Variants in ARHGEF26 observed in about 807,000 individuals in gnomAD.
ARHGEF26 encodes Rho guanine nucleotide exchange factor 26, also known as Rho guanine nucleotide exchange factor (GEF) 26.
ARHGEF26 carries 59 observed loss-of-function variants against 89.4 expected under a neutral mutation model. The observed-to-expected ratio is 0.66, with a 90% CI of 0.54 to 0.82. The LOEUF (loss-of-function observed/expected upper bound fraction) is 0.82. Among genes scored for constraint, ARHGEF26 ranks in the 40% least tolerant of loss-of-function variants. The pLI is 0.00. For missense variants in ARHGEF26, 1,234 were observed against 1,085.6 expected (o/e 1.14, Z -1.92); for synonymous variants, 500 against 428.4 (o/e 1.17, Z -2.06).
chr3:154,218,500 G>A (rs762595318), intron 10 of ARHGEF26, among the ~76,000 whole-genome samples: 36 of 152,124 alleles, frequency 2.4e-4, no homozygotes, highest in Non-Finnish European at 4.6e-4. Context: ...CAAAAAAGAA[G>A]AAAATGACAG....
chr3:154,213,241 G>GTATATATATATATATA, intron 9 of ARHGEF26, among the ~76,000 whole-genome samples: 1 of 145,658 alleles, frequency 6.9e-6, no homozygotes, highest in South Asian at 2.3e-4. Flanking sequence ...GTGTGTGTGT[G>GTATATATATATATATA]TATATATATA....
intron 7 of ARHGEF26, 103 bp downstream of exon 7, chr3:154,187,940 T>C: frequency 8.8e-7 from 1 of 1,132,788 alleles, no homozygotes; most frequent in Non-Finnish European, 1.2e-6. Flanking sequence ...TAGAAATGCC[T>C]CCTGATAGGC....
chr3:154,224,643 C>T (rs1161036959), intron 10 of ARHGEF26, among the ~76,000 whole-genome samples: 3 of 152,128 alleles, frequency 2.0e-5, no homozygotes, highest in African/African-American at 2.4e-5. Flanking sequence ...AGCAATCTGT[C>T]GACCTTTAAG....
intron 2 of ARHGEF26, 103 bp downstream of exon 2, chr3:154,123,178 T>G: frequency 6.7e-7 from 1 of 1,484,608 alleles, no homozygotes; most frequent in South Asian, 1.3e-5. Flanking sequence ...AGTCATTCCG[T>G]TTTAATTCTG....
At chr3:154,128,883 C>T (rs974366117) in intron 3 of ARHGEF26, among the ~76,000 whole-genome samples, 3 of 152,204 alleles carry the variant, frequency 2.0e-5, no homozygotes, top group African/African-American at 7.2e-5. Context: ...CATGTTTCTT[C>T]ATGACACTTA....
At position 154,169,269 on chromosome 3, in the gene ARHGEF26, C is replaced by T. The variant is rs141584140; in HGVS notation, c.1487+16337C>T. On this transcript the variant is annotated intron_variant, in intron 6 of 14. Transcript: ENST00000465093. Reference sequence around the variant, plus strand: ...AAGTATAGTCGATACTCATTATTTGCGGATTCCATATTTGCAAATTTACCT... The same window carrying T: ...AAGTATAGTCGATACTCATTATTTGTGGATTCCATATTTGCAAATTTACCT... Among the ~76,000 whole-genome samples, 46 of 152,052 alleles carry T rather than the reference C, an allele frequency of 3.0e-4. No homozygotes were observed. In the East Asian group the frequency reaches 7.2e-3, roughly 24 times the overall value.
At chr3:154,137,870 T>A (rs1719112255) in intron 4 of ARHGEF26, among the ~76,000 whole-genome samples, 1 of 151,620 alleles carries the variant, frequency 6.6e-6, no homozygotes, top group African/African-American at 2.4e-5. Context: ...CAGATTAGAC[T>A]AAAGGCTCTT....
chr3:154,234,209 C>T (rs1291096910), intron 11 of ARHGEF26, among the ~76,000 whole-genome samples: 1 of 152,154 alleles, frequency 6.6e-6, no homozygotes, highest in African/African-American at 2.4e-5. Context: ...GGAAAGCTGG[C>T]TTGTGCAGTC....
At chr3:154,171,292 C>T (rs1712422210) in intron 6 of ARHGEF26, among the ~76,000 whole-genome samples, 1 of 152,162 alleles carries the variant, frequency 6.6e-6, no homozygotes, top group African/African-American at 2.4e-5. Flanking sequence ...CCACCCCACA[C>T]AGCTTCTACC....
chr3:154,255,151 T>C (rs1718414669), intron 14 of ARHGEF26, among the ~76,000 whole-genome samples, 180 bp from the exon 15 acceptor site: 1 of 152,050 alleles, frequency 6.6e-6, no homozygotes, highest in Non-Finnish European at 1.5e-5. Context: ...GGGCCTCTGC[T>C]CACGTTCTTT....
At chr3:154,248,136 T>G (rs1459853212) in intron 12 of ARHGEF26, among the ~76,000 whole-genome samples, 1 of 152,198 alleles carries the variant, frequency 6.6e-6, no homozygotes, top group East Asian at 1.9e-4. Flanking sequence ...CTAGGACATG[T>G]TCAGTGATGA....
chr3:154,232,860 C>T (rs1263582380), intron 11 of ARHGEF26, among the ~76,000 whole-genome samples: 3 of 149,766 alleles, frequency 2.0e-5, no homozygotes, highest in Admixed American at 1.3e-4. Flanking sequence ...TTTTTTGAGA[C>T]GGAGTCACCC....
chr3:154,201,047 A>G (rs975100374), intron 9 of ARHGEF26, among the ~76,000 whole-genome samples: 7 of 152,046 alleles, frequency 4.6e-5, no homozygotes, highest in Non-Finnish European at 1.0e-4. Flanking sequence ...CATGTGCACA[A>G]GGTGCAGGTT....
chr3:154,252,039 G>A (rs903718088), intron 12 of ARHGEF26, among the ~76,000 whole-genome samples: 2 of 152,200 alleles, frequency 1.3e-5, no homozygotes, highest in African/African-American at 4.8e-5. Flanking sequence ...ATGTTCCAAT[G>A]CGGTAAGTCA....
chr3:154,191,148 A>G (rs1164632925), intron 7 of ARHGEF26, 141 bp from the exon 8 acceptor site: 2 of 873,600 alleles, frequency 2.3e-6, no homozygotes, highest in East Asian at 5.4e-5. Context: ...CAGTGTAATT[A>G]TGTGCTTATG....
intron 9 of ARHGEF26, among the ~76,000 whole-genome samples, chr3:154,208,779 T>G (rs1480939269): frequency 1.3e-5 from 2 of 149,352 alleles, no homozygotes; most frequent in African/African-American, 5.0e-5. Context: ...TTTTTTTTTT[T>G]TTTTGAGATG....
At chr3:154,165,248 A>G in intron 6 of ARHGEF26, among the ~76,000 whole-genome samples, 1 of 152,066 alleles carries the variant, frequency 6.6e-6, no homozygotes, top group East Asian at 1.9e-4. Context: ...GCCAATACCC[A>G]GTTTACTTTC....
chr3:154,192,719 A>G (rs768589557), intron 8 of ARHGEF26, among the ~76,000 whole-genome samples: 2 of 152,214 alleles, frequency 1.3e-5, no homozygotes, highest in Admixed American at 1.3e-4. Flanking sequence ...TATTTCAAAC[A>G]TGACTATTTT....
chr3:154,127,606 T>G (rs1718410248), intron 3 of ARHGEF26, among the ~76,000 whole-genome samples: 2 of 151,718 alleles, frequency 1.3e-5, no homozygotes, highest in Admixed American at 6.6e-5. Flanking sequence ...AACTATTTTT[T>G]TTTTTTTTTT....
Sources: allele counts gnomAD v4.1 joint callset (sites outside exome capture counted in the v4.1 genomes callset), GRCh38; gene constraint gnomAD v4.1.1; transcripts MANE v1.5; gene names NCBI Gene and HGNC (gene_info 2026-07-23, HGNC 2026-07-21).